NEB: variants seen among roughly 807,000 people sequenced by gnomAD.
NEB encodes nebulin.
In NEB, 512 loss-of-function variants were observed where a neutral mutation model predicts 952.2. The ratio of observed to expected loss-of-function variants is 0.54; its 90% CI spans 0.50 to 0.58. The LOEUF is 0.58. Ranked by LOEUF, NEB falls within the 20% of genes least tolerant of loss-of-function variation. The pLI, the probability that NEB is intolerant of heterozygous loss-of-function variation, is 0.00. For synonymous variants in NEB, 2,900 were observed against 3,149.8 expected (o/e 0.92, Z 2.66); for missense variants, 8,428 against 9,231.1 (o/e 0.91, Z 3.56).
At chr2:151,487,096 T>A (rs1045472987) in intron 181 of NEB, among the ~76,000 whole-genome samples, 1 of 152,300 alleles carries the variant, frequency 6.6e-6, no homozygotes, top group African/African-American at 2.4e-5. Context: ...AAAGACAGAA[T>A]ATGCTGCTAA....
chr2:151,664,650 G>A, intron 43 of NEB, 42 bp from the exon 44 acceptor site: 1 of 1,551,512 alleles, frequency 6.4e-7, no homozygotes, highest in African/African-American at 1.4e-5. Flanking sequence ...TTGTTATTGG[G>A]GTTAGAATAG....
At chr2:151,562,236 G>T in intron 120 of NEB, 22 bp from the exon 121 acceptor site, 2 of 1,535,602 alleles carry the variant, frequency 1.3e-6, no homozygotes, top group Non-Finnish European at 1.8e-6. Flanking sequence ...AGAGAACAAT[G>T]AAATGTGGAA....
chr2:151,681,915 A>G (rs1200624785), intron 29 of NEB, among the ~76,000 whole-genome samples: 3 of 152,220 alleles, frequency 2.0e-5, no homozygotes, highest in African/African-American at 7.2e-5. Flanking sequence ...AAAAAAATAG[A>G]AACCATCCAC....
intron 153 of NEB, among the ~76,000 whole-genome samples, chr2:151,523,247 AAT>A (rs1178654831): frequency 2.6e-5 from 4 of 152,204 alleles, no homozygotes; most frequent in African/African-American, 9.6e-5. Context: ...TTTATAATAA[AAT>A]ATGTTACATA....
chr2:151,605,772 G>T (rs547323004), intron 84 of NEB, among the ~76,000 whole-genome samples: 1 of 97,340 alleles, frequency 1.0e-5, no homozygotes, highest in South Asian at 2.9e-4. Flanking sequence ...CTGGGGGCAG[G>T]GTGCACCTGG....
intron 80 of NEB, 68 bp downstream of exon 80, chr2:151,610,448 T>C: frequency 1.6e-6 from 2 of 1,227,280 alleles, no homozygotes; most frequent in Non-Finnish European, 2.4e-6. Context: ...GAGTGTGTGG[T>C]TCACCAGCCA....
Position 151,514,359 on chromosome 2 carries a change from C to G in NEB, c.23086G>C (p.Asp7696His). ...KGLTEMEDTP[D>H]MLRAKNATQI... ...GTGGCATTCTTTGCTCTTAGCATGT[C>G]AGGTGTATCTTCCATTTCAGTGAGG... Residue 7696 changes from aspartate to histidine, a missense_variant, in exon 159 of 182, where the codon GAC becomes CAC. Transcript: ENST00000397345. The G allele has an allele frequency of 6.2e-7, 1 of 1,613,836 alleles. No individual in the cohort carries two copies. Among genetic ancestry groups the G allele is most frequent in the South Asian group, 1.1e-5 (1 of 91,076 alleles).
intron 145 of NEB, 85 bp from the exon 146 acceptor site, chr2:151,529,399 A>T: frequency 1.1e-6 from 1 of 873,042 alleles, no homozygotes; most frequent in Non-Finnish European, 1.9e-6. Flanking sequence ...AAATCCATGC[A>T]TGACTATAGT....
At chr2:151,515,540 T>C (rs1022651928) in intron 157 of NEB, among the ~76,000 whole-genome samples, 2 of 152,122 alleles carry the variant, frequency 1.3e-5, no homozygotes, top group African/African-American at 4.8e-5. Context: ...AATCACTGAA[T>C]AGCTTAGGTG....
chr2:151,677,580 C>T lies in NEB; in HGVS notation c.3759G>A (p.Thr1253=), dbSNP rs763075598. 37 of 1,613,338 alleles carry T rather than the reference C, an allele frequency of 2.3e-5. No homozygotes were observed. Among genetic ancestry groups the T allele is most frequent in the South Asian group, 1.1e-4 (10 of 91,010 alleles). The change falls in exon 34 of 182, where the codon ACG becomes ACA. Residue 1253 remains threonine (T), a synonymous_variant. Coordinates refer to ENST00000397345, the MANE Select transcript of NEB (RefSeq NM_001164508.2). ...SPVMVQAKQN[T]KQVSDILYKA... ...TTGTACTCACATCACTGACTTGCTT[C>T]GTGTTCTGTTTTGCCTGGACCATAA...
At chr2:151,720,150 G>C (rs1489532017) in intron 9 of NEB, among the ~76,000 whole-genome samples, 1 of 151,256 alleles carries the variant, frequency 6.6e-6, no homozygotes, top group Non-Finnish European at 1.5e-5. Context: ...AAAAAAAAAA[G>C]TTCAGTATTC....
At chr2:151,530,594 A>G (rs964129890) in intron 145 of NEB, 20 of 158,864 alleles carry the variant, frequency 1.3e-4, no homozygotes, top group Non-Finnish European at 2.2e-4. Context: ...ATTCATTTTT[A>G]AAAAATCAGT....
Position 151,665,327 on chromosome 2 carries a change from C to A in NEB, c.5238+6G>T. On this transcript the variant is annotated splice_donor_region_variant and intron_variant, in intron 42 of 181. Coordinates refer to ENST00000397345, the MANE Select transcript of NEB (RefSeq NM_001164508.2). Reference sequence around the variant, plus strand: ...CCCTGGGCGAGGCTGGCAGGTGAGTCCTTACCTTGTCCATGTTCAGTTTGT... The same window carrying A: ...CCCTGGGCGAGGCTGGCAGGTGAGTACTTACCTTGTCCATGTTCAGTTTGT... The A allele has an allele frequency of 6.2e-7, 1 of 1,613,330 alleles. No homozygotes were observed. Among genetic ancestry groups the A allele is most frequent in the Non-Finnish European group, 8.5e-7 (1 of 1,179,616 alleles).
chr2:151,636,996 G>A (rs1014827413), intron 63 of NEB, among the ~76,000 whole-genome samples: 1 of 152,022 alleles, frequency 6.6e-6, no homozygotes, highest in Non-Finnish European at 1.5e-5. Context: ...GGAGGGAAAG[G>A]CTTAACTGTT....
At chr2:151,510,160 G>A (rs769130241) in intron 161 of NEB, among the ~76,000 whole-genome samples, 12 of 152,124 alleles carry the variant, frequency 7.9e-5, no homozygotes, top group South Asian at 6.2e-4. Flanking sequence ...GTGATTACTC[G>A]TATGTTGTCT....
chr2:151,485,946 A>G lies in NEB; in HGVS notation c.25405-13T>C, dbSNP rs755934851. 1 of 1,612,970 alleles carries G rather than the reference A, an allele frequency of 6.2e-7. No individual in the cohort carries two copies. The highest frequency in any genetic ancestry group is 2.2e-5 in the East Asian group (1 of 44,836). ...CACGGAAGATTTTCTATTCGTGGGG[A>G]TGGAAAAGGGGAAATATTATATGTT... On this transcript the variant is annotated splice_polypyrimidine_tract_variant and intron_variant, in intron 181 of 181. Coordinates refer to ENST00000397345, the MANE Select transcript of NEB (RefSeq NM_001164508.2).
intron 34 of NEB, 93 bp downstream of exon 34, chr2:151,677,472 T>C (rs2099376113): frequency 1.1e-6 from 1 of 912,386 alleles, no homozygotes; most frequent in South Asian, 3.2e-5. Context: ...AATGGAAAGA[T>C]ATTGGCCCAG....
rs552931809 is a variant in NEB at position 151,687,941 on chromosome 2, T to C, written c.2416-208A>G. On this transcript the variant is annotated intron_variant, in intron 25 of 181. Coordinates refer to ENST00000397345, the MANE Select transcript of NEB (RefSeq NM_001164508.2). ...TAAGTATCAACTACTCTTTTTAATG[T>C]TCTGTAAACTTTCTAAGCACTCTGC... Among the ~76,000 whole-genome samples the C allele has an allele frequency of 6.6e-5, 10 of 152,368 alleles. No homozygotes were observed. The East Asian group carries it at 1.5e-3, about 23-fold the overall frequency.
Position 151,497,728 on chromosome 2 carries a change from A to G in NEB, c.24208-10T>C, listed in dbSNP as rs1061322. The G allele has an allele frequency of 5.0e-5, 78 of 1,566,266 alleles. 1 individual carries two copies. The highest frequency in any genetic ancestry group is 3.7e-4 in the South Asian group (31 of 84,736). On this transcript the variant is annotated splice_polypyrimidine_tract_variant and intron_variant, in intron 170 of 181. Coordinates refer to ENST00000397345, the MANE Select transcript of NEB (RefSeq NM_001164508.2). ...TTTCTTTGTATAACACCTGTGCGAT[A>G]AGAAAGCATCCAGAAAAACAACCAT...
Sources: allele counts gnomAD v4.1 joint callset (sites outside exome capture counted in the v4.1 genomes callset), GRCh38; gene constraint gnomAD v4.1.1; transcripts MANE v1.5; gene names NCBI Gene and HGNC (gene_info 2026-07-23, HGNC 2026-07-21).